The following CREM variants were observed in gnomAD, a reference collection of about 807,000 sequenced individuals.
CREM encodes cAMP responsive element modulator.
A neutral mutation model predicts 37.3 loss-of-function variants in CREM; 13 were observed. That is an observed-to-expected ratio of 0.35 (90% confidence interval 0.23 to 0.55). The LOEUF is 0.55. CREM is among the 20% of genes least tolerant of loss of function. The pLI, the probability that CREM is intolerant of heterozygous loss-of-function variation, is 0.88. For missense variants in CREM, 296 were observed against 362.3 expected, an observed-to-expected ratio of 0.82 and a Z score of 1.49; for synonymous variants, 124 against 120.2, an observed-to-expected ratio of 1.03 and a Z score of -0.21.
intron 6 of CREM, among the ~76,000 whole-genome samples, chr10:35,191,293 T>C (rs1230059729): frequency 6.6e-6 from 1 of 152,160 alleles, no homozygotes; most frequent in African/African-American, 2.4e-5. Context: ...CGATCTTTTA[T>C]CTATTAACTT....
At chr10:35,143,003 G>T (rs2091631473) in intron 2 of CREM, among the ~76,000 whole-genome samples, 1 of 152,134 alleles carries the variant, frequency 6.6e-6, no homozygotes, top group Non-Finnish European at 1.5e-5. Flanking sequence ...ATCCAAGATT[G>T]GTACTTACTA....
At chr10:35,148,129 A>T (rs577790456) in intron 2 of CREM, among the ~76,000 whole-genome samples, 89 of 152,334 alleles carry the variant, frequency 5.8e-4, no homozygotes, top group Non-Finnish European at 1.1e-3. Flanking sequence ...TATACACCTT[A>T]TAGTCTAAAG....
chr10:35,130,874 A>G (rs931945774), intron 1 of CREM, among the ~76,000 whole-genome samples: 1 of 152,252 alleles, frequency 6.6e-6, no homozygotes, highest in Non-Finnish European at 1.5e-5. Context: ...TAAGTGAAGC[A>G]TAACTAATTC....
At chr10:35,188,729 G>A (rs967057575) in intron 6 of CREM, among the ~76,000 whole-genome samples, 1 of 150,232 alleles carries the variant, frequency 6.7e-6, no homozygotes, top group Non-Finnish European at 1.5e-5. Flanking sequence ...GCGTGATCTC[G>A]GCTCACTGCA....
At chr10:35,128,794 G>A (rs111943046) in intron 1 of CREM, among the ~76,000 whole-genome samples, 3,770 of 152,122 alleles carry the variant, frequency 0.025, 153 homozygotes, top group African/African-American at 0.086. Context: ...CAAAGTGCTG[G>A]GATTACAGGC....
chr10:35,154,071 G>A, intron 3 of CREM: 2 of 398,546 alleles, frequency 5.0e-6, no homozygotes, highest in Non-Finnish European at 4.4e-6. Context: ...TGCACAATGT[G>A]TAAGGAGTCC....
intron 3 of CREM, among the ~76,000 whole-genome samples, chr10:35,168,559 T>C (rs2093659794): frequency 6.6e-6 from 1 of 152,224 alleles, no homozygotes; most frequent in Non-Finnish European, 1.5e-5. Flanking sequence ...GCCTCTTCAC[T>C]TTGATCGTAG....
intron 3 of CREM, chr10:35,167,461 G>T (rs9783159): frequency 0.012 from 5,273 of 430,142 alleles, 215 homozygotes; most frequent in African/African-American, 0.088. Context: ...ATCCTTTATT[G>T]TCTTGAATGC....
In CREM at chr10:35,212,007, G is replaced by A. The variant is rs138220709; in HGVS notation, c.*609G>A. Reference sequence around the variant, plus strand: ...TTAAAAGAGACAAACTGTAAAAAATGTGTGTATTCTTAAAATGCAATATTT... The same window carrying A: ...TTAAAAGAGACAAACTGTAAAAAATATGTGTATTCTTAAAATGCAATATTT... On this transcript the variant is annotated 3_prime_UTR_variant, in exon 8 of 8. Transcript: ENST00000685392. The A allele has an allele frequency of 2.2e-3, 983 of 454,814 alleles. 16 individuals carry two copies. The Admixed American group carries it at 0.023, about 11-fold the overall frequency. 28.2% of individuals were successfully genotyped at this position (454,814 alleles called of 1,614,324 possible). A position where few individuals can be genotyped will look rare whatever the true frequency, so the allele number is the denominator to read the frequency against.
At chr10:35,170,801 A>G (rs945011374) in intron 3 of CREM, among the ~76,000 whole-genome samples, 1 of 151,610 alleles carries the variant, frequency 6.6e-6, no homozygotes, top group Non-Finnish European at 1.5e-5. Flanking sequence ...TTTCTTCTTT[A>G]TTGGAGTTTA....
intron 6 of CREM, among the ~76,000 whole-genome samples, chr10:35,188,698 C>T (rs1328474301): frequency 6.1e-5 from 9 of 146,578 alleles, no homozygotes; most frequent in East Asian, 4.0e-4. Context: ...CTCGCTCTGG[C>T]GCCCAGGCTG....
chr10:35,155,305 A>G (rs989018005), intron 3 of CREM, among the ~76,000 whole-genome samples: 26 of 152,222 alleles, frequency 1.7e-4, no homozygotes, highest in African/African-American at 5.3e-4. Flanking sequence ...AAATACAGTT[A>G]CTCCTTTTGC....
chr10:35,141,421 A>G (rs771578329), intron 2 of CREM, among the ~76,000 whole-genome samples: 1 of 152,122 alleles, frequency 6.6e-6, no homozygotes, highest in African/African-American at 2.4e-5. Flanking sequence ...AGAGAAGGAG[A>G]CTTAATTGTT....
intron 6 of CREM, among the ~76,000 whole-genome samples, chr10:35,188,644 T>G (rs1196226437): frequency 6.6e-5 from 10 of 151,076 alleles, no homozygotes; most frequent in East Asian, 5.8e-4. Context: ...AAAAGAGAGA[T>G]AGAAACATGA....
chr10:35,134,772 T>C (rs1010581421), intron 1 of CREM, among the ~76,000 whole-genome samples: 1 of 152,114 alleles, frequency 6.6e-6, no homozygotes, highest in African/African-American at 2.4e-5. Flanking sequence ...GCATGATGGC[T>C]CAAGCCTGTA....
At chr10:35,198,192 A>G (rs2095270632) in intron 6 of CREM, among the ~76,000 whole-genome samples, 1 of 152,164 alleles carries the variant, frequency 6.6e-6, no homozygotes, top group Non-Finnish European at 1.5e-5. Flanking sequence ...AAAAGATATT[A>G]GCAGCATTTA....
chr10:35,207,062 G>A lies in CREM; in HGVS notation c.755+11G>A. 1 of 1,607,908 alleles carries A rather than the reference G, an allele frequency of 6.2e-7. No individual in the cohort carries two copies. The highest frequency in any genetic ancestry group is 8.5e-7 in the Non-Finnish European group (1 of 1,176,610). On this transcript the variant is annotated intron_variant, in intron 7 of 7. Coordinates refer to ENST00000685392, the MANE Select transcript of CREM (RefSeq NM_183011.2). ...GCTAATGAAAAACAGGTGAGGTGTT[G>A]CACAGGGAATCGGTAACTTCTAGGA...
intron 2 of CREM, among the ~76,000 whole-genome samples, chr10:35,145,609 C>T (rs890992407): frequency 3.9e-4 from 60 of 152,056 alleles, no homozygotes; most frequent in African/African-American, 8.0e-4. Flanking sequence ...GGCGAAACCC[C>T]GTCTCTTCTA....
At chr10:35,169,965 CTT>C (rs71033381) in intron 3 of CREM, among the ~76,000 whole-genome samples, 15 of 135,502 alleles carry the variant, frequency 1.1e-4, no homozygotes, top group Non-Finnish European at 7.9e-5. Context: ...GGTGGAGAAG[CTT>C]TTTTTTTTTT....
Sources: allele counts gnomAD v4.1 joint callset (sites outside exome capture counted in the v4.1 genomes callset), GRCh38; gene constraint gnomAD v4.1.1; transcripts MANE v1.5; gene names NCBI Gene and HGNC (gene_info 2026-07-23, HGNC 2026-07-21).